NOTCH2: variants seen among roughly 807,000 people sequenced by gnomAD.
The protein encoded by NOTCH2 is notch receptor 2.
NOTCH2 carries 29 observed loss-of-function variants against 235.8 expected under a neutral mutation model. The ratio of observed to expected loss-of-function variants is 0.12; its 90% CI spans 0.09 to 0.17. The LOEUF (loss-of-function observed/expected upper bound fraction) is 0.17, where lower values mean the gene tolerates loss of function less well. Among genes scored for constraint, NOTCH2 ranks in the 10% least tolerant of loss-of-function variants. The pLI, the probability that NOTCH2 is intolerant of heterozygous loss-of-function variation, is 1.00. For missense variants in NOTCH2, 2,285 were observed against 3,150.2 expected (o/e 0.73, Z 6.57); for synonymous variants, 1,086 against 1,141.5 (o/e 0.95, Z 0.98).
Position 119,925,522 on chromosome 1 carries a change from C to T in NOTCH2, c.4294G>A (p.Asp1432Asn), listed in dbSNP as rs145336945. The T allele has an allele frequency of 1.6e-5, 26 of 1,613,992 alleles. No homozygotes were observed. The highest frequency in any genetic ancestry group is 5.5e-5 in the South Asian group (5 of 91,070). Residue 1432 changes from aspartate (D) to asparagine (N), a missense_variant, in exon 25 of 34, where the codon GAC (aspartate) becomes AAC (asparagine). By Grantham distance (23) the Asp-to-Asn change is conservative. Transcript: ENST00000256646. ...PATCLSQYCA[D>N]KARDGVCDEA... ...TCACAGACGCCATCCCGAGCTTTGT[C>T]GGCACAATACTGGCTCAGACAGGTG...
At chr1:120,064,918 C>A (rs1385310620) in intron 1 of NOTCH2, among the ~76,000 whole-genome samples, 8 of 151,010 alleles carry the variant, frequency 5.3e-5, no homozygotes, top group Non-Finnish European at 7.4e-5. Flanking sequence ...AATGACTAGT[C>A]CCCAAAATGA....
intron 3 of NOTCH2, among the ~76,000 whole-genome samples, chr1:120,000,078 T>C (rs1484343101): frequency 1.3e-5 from 2 of 152,092 alleles, no homozygotes; most frequent in East Asian, 1.9e-4. Flanking sequence ...GGTTTCCATA[T>C]ATATTATGTA....
intron 17 of NOTCH2, among the ~76,000 whole-genome samples, chr1:119,946,167 T>C (rs1487665619): frequency 2.6e-5 from 4 of 152,102 alleles, no homozygotes; most frequent in Admixed American, 1.3e-4. Context: ...ATGGCACTTA[T>C]ATGTATTAGG....
chr1:119,971,349 G>A (rs1452536859), intron 5 of NOTCH2, among the ~76,000 whole-genome samples: 1 of 152,164 alleles, frequency 6.6e-6, no homozygotes, highest in Non-Finnish European at 1.5e-5. Flanking sequence ...TCTTGAAGGA[G>A]CAACCATGTC....
rs368564598 is a variant in NOTCH2, at chr1:119,920,296, C to T, written c.5412G>A (p.Ser1804=). The change falls in exon 30 of 34, where the codon TCG becomes TCA. Residue 1804 remains serine (S), a synonymous_variant. Transcript: ENST00000256646. The part of the protein sequence containing the change: ...LEAADIRRTP[S]LALTPPQAEQ... ...CTGCCTGAGGAGGGGTGAGAGCCAG[C>T]GATGGTGTCCTACGGATGTCTGCAG... 4.0e-5 allele frequency: 65 copies of T among 1,614,022 alleles called. No individual in the cohort carries two copies. The highest frequency in any genetic ancestry group is 1.1e-4 in the African/African-American group (8 of 74,922).
At chr1:120,001,270 G>C (rs1652739929) in intron 3 of NOTCH2, among the ~76,000 whole-genome samples, 1 of 152,046 alleles carries the variant, frequency 6.6e-6, no homozygotes, top group South Asian at 2.1e-4. Flanking sequence ...TTTTGCCAGA[G>C]TGCCAACTAT....
intron 13 of NOTCH2, 129 bp from the exon 14 acceptor site, chr1:119,953,817 C>T: frequency 3.6e-6 from 3 of 826,206 alleles, no homozygotes; most frequent in Admixed American, 1.8e-5. Flanking sequence ...ACTATCCTTG[C>T]ATCACCTTGC....
intron 3 of NOTCH2, among the ~76,000 whole-genome samples, chr1:119,997,923 G>A (rs1372587725): frequency 4.8e-5 from 7 of 144,602 alleles, no homozygotes; most frequent in East Asian, 2.0e-4. Flanking sequence ...GCAGTGAGCC[G>A]AGATTGTACC....
chr1:119,985,870 T>C lies in NOTCH2; in HGVS notation c.874+1090A>G, dbSNP rs1216075670. Reference sequence around the variant, plus strand: ...GGATCAAGACACCATGAAGAAATTCTAGGAGAAGTCCCAATTCTAGGAAAA... The same window carrying C: ...GGATCAAGACACCATGAAGAAATTCCAGGAGAAGTCCCAATTCTAGGAAAA... On this transcript the variant is annotated intron_variant, in intron 5 of 33. Transcript: ENST00000256646. Among the ~76,000 whole-genome samples, 3 of 152,150 alleles carry C rather than the reference T, an allele frequency of 2.0e-5. No individual in the cohort carries two copies. The East Asian group carries it at 5.8e-4, about 29-fold the overall frequency.
chr1:119,952,001 T>C (rs1650492672), intron 14 of NOTCH2, among the ~76,000 whole-genome samples: 1 of 152,244 alleles, frequency 6.6e-6, no homozygotes, highest in Admixed American at 6.5e-5. Flanking sequence ...TCAGAAATGT[T>C]TCAAGTAATC....
intron 15 of NOTCH2, chr1:119,950,342 A>T (rs1553197581): frequency 2.7e-6 from 1 of 373,690 alleles, no homozygotes; most frequent in African/African-American, 2.1e-5. Flanking sequence ...CCAAAGTACA[A>T]AAAGTGTCTG....
rs978456320 is a variant in NOTCH2 at position 119,914,461 on chromosome 1, C to T, written c.*845G>A. On this transcript the variant is annotated 3_prime_UTR_variant, in exon 34 of 34. Transcript: ENST00000256646. ...CATACACAGAAAAACAACAAACTCA[C>T]ACCCTTCTTCCTGGTAAAGTTTATA... is the stretch of plus-strand genomic sequence containing the variant. The T allele has an allele frequency of 4.3e-6, 1 of 233,218 alleles. No individual in the cohort carries two copies. Among genetic ancestry groups the T allele is most frequent in the Non-Finnish European group, 8.5e-6 (1 of 118,116 alleles). 14.4% of individuals were successfully genotyped at this position (233,218 alleles called of 1,614,324 possible).
At chr1:120,009,553 C>G (rs1653103863) in intron 2 of NOTCH2, among the ~76,000 whole-genome samples, 1 of 152,142 alleles carries the variant, frequency 6.6e-6, no homozygotes, top group South Asian at 2.1e-4. Context: ...ATTTCTCTTT[C>G]TTTTCCATCT....
Position 119,997,013 on chromosome 1 carries a change from C to A in NOTCH2, c.735G>T (p.Glu245Asp). Residue 245 changes from glutamate (E) to aspartate (D), a missense_variant, in exon 4 of 34, where the codon GAG becomes GAT. Around this residue, in one of 6 missense-constraint regions of NOTCH2, gnomAD observed 431 missense variants for 757.8 expected, o/e 0.57. Transcript: ENST00000256646. ...TCRQTGDFTF[E>D]CNCLPGFEGS... ...GCTCCTTACCTGGAAGGCAGTTGCA[C>A]TCAAAAGTGAAGTCACCAGTCTGCC... 1 of 1,613,962 alleles carries A rather than the reference C, an allele frequency of 6.2e-7. No homozygotes were observed. The highest frequency in any genetic ancestry group is 8.5e-7 in the Non-Finnish European group (1 of 1,179,850).
chr1:119,988,755 T>C lies in NOTCH2; in HGVS notation c.752-1673A>G, dbSNP rs587673589. Among the ~76,000 whole-genome samples the C allele has an allele frequency of 5.4e-4, 82 of 152,264 alleles. 1 individual carries two copies. The highest frequency in any genetic ancestry group is 1.9e-3 in the African/African-American group (79 of 41,564). On this transcript the variant is annotated intron_variant, in intron 4 of 33. Coordinates refer to ENST00000256646, the MANE Select transcript of NOTCH2 (RefSeq NM_024408.4). ...AAACTTGAGAGGTCTGGTGGTGTAG[T>C]AGAAGGTCAATGATCATCCTCCCCT...
At chr1:120,017,136 AAAC>A (rs1313020701) in intron 2 of NOTCH2, among the ~76,000 whole-genome samples, 3 of 93,186 alleles carry the variant, frequency 3.2e-5, no homozygotes, top group African/African-American at 1.2e-4. Flanking sequence ...CATTGTATTC[AAAC>A]AACACACTGA....
chr1:120,017,434 A>G (rs182848702), intron 2 of NOTCH2, among the ~76,000 whole-genome samples: 56 of 152,172 alleles, frequency 3.7e-4, no homozygotes, highest in Admixed American at 7.2e-4. Context: ...ATTATCTGTC[A>G]ACAGACTAAA....
chr1:120,033,645 C>T (rs1266028879), intron 1 of NOTCH2, among the ~76,000 whole-genome samples: 8 of 145,522 alleles, frequency 5.5e-5, no homozygotes, highest in Admixed American at 1.4e-4. Context: ...GTTACGGAAG[C>T]TGTGGGCCTG....
chr1:119,939,607 G>A (rs1171550643), intron 19 of NOTCH2, among the ~76,000 whole-genome samples: 3 of 152,192 alleles, frequency 2.0e-5, no homozygotes, highest in East Asian at 3.8e-4. Flanking sequence ...AGTGCACAAG[G>A]ACTGGCACCT....
Sources: gnomAD v4.1 joint callset for allele counts (sites outside exome capture counted in the v4.1 genomes callset) on GRCh38, gnomAD v4.1.1 for gene constraint, gnomAD v4.1.1 regional missense constraint, MANE v1.5 for transcripts, NCBI Gene and HGNC (gene_info 2026-07-23, HGNC 2026-07-21) for gene names.